METTL16: variants seen among roughly 807,000 people sequenced by gnomAD.
METTL16 encodes the protein methyltransferase 16, RNA N6-adenosine.
A neutral mutation model predicts 57.9 loss-of-function variants in METTL16; 19 were observed. The observed-to-expected ratio is 0.33, with a 90% confidence interval of 0.23 to 0.48. The LOEUF (loss-of-function observed/expected upper bound fraction) is 0.48. Among genes scored for constraint, METTL16 ranks in the 20% least tolerant of loss-of-function variants. METTL16 has a pLI of 0.99. For synonymous variants in METTL16, 246 were observed against 255.6 expected (o/e 0.96, Z 0.36); for missense variants, 434 against 691.5 (o/e 0.63, Z 4.18).
At chr17:2,423,652 C>T (rs936281490) in intron 8 of METTL16, among the ~76,000 whole-genome samples, 7 of 152,058 alleles carry the variant, frequency 4.6e-5, no homozygotes, top group East Asian at 1.9e-4. Flanking sequence ...CCTGCCAGCC[C>T]GCCCTGTACA....
chr17:2,428,174 C>T (rs1347937649), intron 8 of METTL16, among the ~76,000 whole-genome samples: 2 of 151,918 alleles, frequency 1.3e-5, no homozygotes, highest in Non-Finnish European at 2.9e-5. Flanking sequence ...AACCTGGTAC[C>T]ATCCCTAGTG....
rs911908924 is a variant in METTL16 at position 2,421,045 on chromosome 17, T to G, written c.889-141A>C. 1.1e-5 allele frequency: 10 copies of G among 936,180 alleles called. No homozygotes were observed. In the South Asian group the frequency reaches 1.6e-4, roughly 15 times the overall value. The allele number at this position is 936,180 out of a possible 1,614,324, so 58.0% of individuals were successfully genotyped here. A position where few individuals can be genotyped will look rare whatever the true frequency, so the allele number is the denominator to read the frequency against. ...CTGAAAACACAAAGGGTTTTGTGTG[T>G]GTTATGTCCAGCACTTAAAACAACC... On this transcript the variant is annotated intron_variant, in intron 8 of 9. Transcript: ENST00000263092.
Position 2,441,697 on chromosome 17 carries a change from A to G in METTL16, c.729-138T>C, listed in dbSNP as rs1168786532. The G allele has an allele frequency of 1.7e-5, 8 of 474,430 alleles. No individual in the cohort carries two copies. In the East Asian group the frequency reaches 2.8e-4, roughly 17 times the overall value. The allele number at this position is 474,430 out of a possible 1,614,324, so 29.4% of individuals were successfully genotyped here. A position where few individuals can be genotyped will look rare whatever the true frequency, so the allele number is the denominator to read the frequency against. ...TCACAAGTGAAAAATATCAGGAATTACATACAATGTATTTCGACAAAGACC... is the reference window on the plus strand; with the variant it reads ...TCACAAGTGAAAAATATCAGGAATTGCATACAATGTATTTCGACAAAGACC... On this transcript the variant is annotated intron_variant, in intron 6 of 9. Transcript: ENST00000263092.
chr17:2,466,154 C>G (rs933773482), intron 5 of METTL16, among the ~76,000 whole-genome samples: 3 of 146,448 alleles, frequency 2.0e-5, no homozygotes, highest in African/African-American at 7.6e-5. Flanking sequence ...GATCACGCCA[C>G]TACACTCCAG....
intron 2 of METTL16, among the ~76,000 whole-genome samples, chr17:2,488,779 T>A (rs1193111857): frequency 6.6e-6 from 1 of 152,206 alleles, no homozygotes; most frequent in Non-Finnish European, 1.5e-5. Context: ...GTTAACACAC[T>A]GTACACTTAA....
intron 8 of METTL16, among the ~76,000 whole-genome samples, chr17:2,433,154 G>C (rs1306625106): frequency 6.6e-6 from 1 of 152,218 alleles, no homozygotes; most frequent in Admixed American, 6.5e-5. Flanking sequence ...GAATGCTTAT[G>C]GGAGCTCTAT....
chr17:2,434,088 T>C (rs922900379), intron 8 of METTL16, among the ~76,000 whole-genome samples: 1 of 152,342 alleles, frequency 6.6e-6, no homozygotes, highest in East Asian at 1.9e-4. Flanking sequence ...AGAAGAAAAG[T>C]AACTAAGAAG....
intron 6 of METTL16, among the ~76,000 whole-genome samples, chr17:2,447,624 A>G (rs1452661285): frequency 2.6e-5 from 2 of 77,898 alleles, no homozygotes; most frequent in Non-Finnish European, 4.7e-5. Context: ...CCGGGAGGTG[A>G]GGGGCGCCTC....
In METTL16 at chr17:2,464,138, A is replaced by G; in HGVS notation, c.728+70T>C. On this transcript the variant is annotated intron_variant, in intron 6 of 9. Transcript: ENST00000263092. ...ACTCTGTCCCCCGCCACCAAAAAAA[A>G]GAGAACTACATAGCGGGTAAATATT... The G allele has an allele frequency of 2.7e-6, 4 of 1,489,640 alleles. No homozygotes were observed. In the Admixed American group the frequency reaches 6.4e-5, roughly 24 times the overall value. The allele number at this position is 1,489,640 out of a possible 1,614,324, so 92.3% of individuals were successfully genotyped here. A position where few individuals can be genotyped will look rare whatever the true frequency, so the allele number is the denominator to read the frequency against.
At chr17:2,507,281 A>T (rs529803314) in intron 1 of METTL16, among the ~76,000 whole-genome samples, 138 of 92,830 alleles carry the variant, frequency 1.5e-3, no homozygotes, top group East Asian at 2.7e-3. Context: ...TACTGGGAAG[A>T]GAGGAGCCCC....
At chr17:2,452,679 G>A (rs531946821) in intron 6 of METTL16, among the ~76,000 whole-genome samples, 4 of 152,020 alleles carry the variant, frequency 2.6e-5, no homozygotes, top group Non-Finnish European at 4.4e-5. Context: ...CAGGATTCGC[G>A]CAAATGACTC....
At position 2,416,307 on chromosome 17, in the gene METTL16, C is replaced by G. The variant is rs534153134; in HGVS notation, c.*3663G>C. 3.9e-5 allele frequency: 6 copies of G among 152,310 alleles called. No homozygotes were observed. The highest frequency in any genetic ancestry group is 1.4e-4 in the African/African-American group (6 of 41,560). The allele number at this position is 152,310 out of a possible 1,614,324, so 9.4% of individuals were successfully genotyped here. On this transcript the variant is annotated 3_prime_UTR_variant, in exon 10 of 10. Transcript: ENST00000263092. Reference sequence around the variant, plus strand: ...TGGTCGTGAAGTCATCAGCTCCCTTCTTTCAAAAGGCCTCGGATTTCCCAC... The same window carrying G: ...TGGTCGTGAAGTCATCAGCTCCCTTGTTTCAAAAGGCCTCGGATTTCCCAC...
chr17:2,510,665 T>G (rs889025863), intron 1 of METTL16, among the ~76,000 whole-genome samples: 1 of 149,814 alleles, frequency 6.7e-6, no homozygotes, highest in Non-Finnish European at 1.5e-5. Flanking sequence ...GCATCAATTC[T>G]TTTTTTTTTC....
At chr17:2,427,704 A>T (rs886709670) in intron 8 of METTL16, among the ~76,000 whole-genome samples, 1 of 152,052 alleles carries the variant, frequency 6.6e-6, no homozygotes, top group Admixed American at 6.6e-5. Flanking sequence ...CAGCCTCCTG[A>T]GTAGCTAGGA....
At chr17:2,505,644 G>T (rs780236010) in intron 1 of METTL16, among the ~76,000 whole-genome samples, 1 of 151,504 alleles carries the variant, frequency 6.6e-6, no homozygotes, top group East Asian at 1.9e-4. Context: ...CTCCCACCTC[G>T]GGCTCCCAAA....
intron 8 of METTL16, among the ~76,000 whole-genome samples, chr17:2,428,184 G>A (rs1432436591): frequency 6.6e-6 from 1 of 151,948 alleles, no homozygotes; most frequent in Non-Finnish European, 1.5e-5. Flanking sequence ...CATCCCTAGT[G>A]CCCAGATGAA....
chr17:2,465,462 G>A (rs1272601187), intron 5 of METTL16, among the ~76,000 whole-genome samples: 1 of 145,452 alleles, frequency 6.9e-6, no homozygotes, highest in African/African-American at 2.6e-5. Flanking sequence ...CAGGAGAATC[G>A]CTTGAATCCA....
At position 2,477,879 on chromosome 17, in the gene METTL16, A is replaced by C; in HGVS notation, c.135T>G (p.Asn45Lys). ...CTCTGACTGCTTCGGGGTCTTTAAA[A>C]TTAAGGCTGAGGAATAAAGAAAAGG... ...QINLNGRVSLNFKDPEAVRAL... is the reference protein window; with the variant it reads ...QINLNGRVSLKFKDPEAVRAL... The change falls in exon 3 of 10, where the codon AAT becomes AAG. Residue 45 changes from asparagine to lysine, a missense_variant. Physicochemically the swap from Asn to Lys is moderately conservative, Grantham distance 94. This residue lies in a region of METTL16 where 118 missense variants were observed against 280.0 expected (regional missense o/e 0.42). Coordinates refer to ENST00000263092, the MANE Select transcript of METTL16 (RefSeq NM_024086.4). 6.2e-7 allele frequency: 1 copy of C among 1,613,436 alleles called. No homozygotes were observed. Among genetic ancestry groups the C allele is most frequent in the Non-Finnish European group, 8.5e-7 (1 of 1,179,644 alleles).
At position 2,477,747 on chromosome 17, in the gene METTL16, T is replaced by C. The variant is rs1464419390; in HGVS notation, c.267A>G (p.Val89=). ...AATCCTGGTGACCGATCAGATCTTC[T>C]ACCCAGTGAATATAGTTGAGTCTCA... The part of the protein sequence containing the change: ...VPLRLNYIHW[V]EDLIGHQDSD... Residue 89 remains valine, a synonymous_variant, in exon 3 of 10, where the codon GTA becomes GTG. Coordinates refer to ENST00000263092, the MANE Select transcript of METTL16 (RefSeq NM_024086.4). 9 of 1,613,912 alleles carry C rather than the reference T, an allele frequency of 5.6e-6. No homozygotes were observed. The highest frequency in any genetic ancestry group is 6.8e-6 in the Non-Finnish European group (8 of 1,179,870).
Sources: gnomAD v4.1 joint callset for allele counts (sites outside exome capture counted in the v4.1 genomes callset) on GRCh38, gnomAD v4.1.1 for gene constraint, gnomAD v4.1.1 regional missense constraint, MANE v1.5 for transcripts, NCBI Gene and HGNC (gene_info 2026-07-23, HGNC 2026-07-21) for gene names.